The following NAV3 variants were observed in gnomAD, a reference collection of about 807,000 sequenced individuals.
The protein encoded by NAV3 is neuron navigator 3.
NAV3 carries 87 observed loss-of-function variants against 244.7 expected under a neutral mutation model. The observed-to-expected ratio is 0.36, with a 90% CI of 0.30 to 0.42. The LOEUF (loss-of-function observed/expected upper bound fraction) is 0.42. NAV3 is among the 20% of genes least tolerant of loss of function. The pLI is 1.00. For missense variants in NAV3, 2,663 were observed against 2,893.3 expected (o/e 0.92, Z 1.83); for synonymous variants, 1,126 against 1,042.2 (o/e 1.08, Z -1.55).
At chr12:77,746,946 G>A (rs1311488938) in intron 2 of NAV3, among the ~76,000 whole-genome samples, 1 of 152,116 alleles carries the variant, frequency 6.6e-6, no homozygotes, top group African/African-American at 2.4e-5. Context: ...AAATTAGAGG[G>A]ACACTTGTCA....
chr12:77,579,208 C>A (rs1485922124), intron 2 of NAV3, among the ~76,000 whole-genome samples: 1 of 152,242 alleles, frequency 6.6e-6, no homozygotes, highest in African/African-American at 2.4e-5. Context: ...ATCACCACTT[C>A]ACTGAGCAAA....
chr12:78,092,593 G>A (rs535318724), intron 12 of NAV3, among the ~76,000 whole-genome samples: 3 of 139,178 alleles, frequency 2.2e-5, no homozygotes, highest in South Asian at 4.8e-4. Flanking sequence ...TCCGCCTCCC[G>A]GGTTCACGCC....
Position 78,007,452 on chromosome 12 carries a change from T to A in NAV3, c.1907+7T>A. 1 of 1,609,902 alleles carries A rather than the reference T, an allele frequency of 6.2e-7. No individual in the cohort carries two copies. The highest frequency in any genetic ancestry group is 8.5e-7 in the Non-Finnish European group (1 of 1,177,884). On this transcript the variant is annotated splice_region_variant and intron_variant, in intron 8 of 39. Coordinates refer to ENST00000397909, the MANE Select transcript of NAV3 (RefSeq NM_001024383.2). ...TGGCACCATTCATTTACAGGTAAGG[T>A]GGCCTCTGTTTATCCACAGTTGTAA...
At chr12:77,821,164 A>G (rs1289574488) in intron 2 of NAV3, among the ~76,000 whole-genome samples, 4 of 151,990 alleles carry the variant, frequency 2.6e-5, no homozygotes, top group African/African-American at 7.3e-5. Context: ...CATGATCTGA[A>G]AAAGACAAAT....
intron 2 of NAV3, among the ~76,000 whole-genome samples, chr12:77,690,954 A>G (rs866002065): frequency 1.3e-5 from 2 of 150,886 alleles, no homozygotes; most frequent in African/African-American, 4.8e-5. Context: ...GATTAGCAAT[A>G]AATTGTGCTC....
intron 2 of NAV3, among the ~76,000 whole-genome samples, chr12:77,707,558 A>G (rs529655381): frequency 3.3e-5 from 5 of 152,250 alleles, no homozygotes; most frequent in East Asian, 1.9e-4. Context: ...ATGATTTATA[A>G]TCCTTTGGGT....
At chr12:78,192,701 T>G (rs1310350477) in intron 34 of NAV3, among the ~76,000 whole-genome samples, 1 of 152,108 alleles carries the variant, frequency 6.6e-6, no homozygotes, top group Non-Finnish European at 1.5e-5. Flanking sequence ...TGAGCCACTG[T>G]GCCCAGCCCA....
chr12:78,188,379 A>C, intron 32 of NAV3, 36 bp downstream of exon 32: 1 of 1,503,926 alleles, frequency 6.6e-7, no homozygotes, highest in African/African-American at 1.4e-5. Context: ...GTACTTTTCA[A>C]ATATGTTTCT....
chr12:78,176,750 T>C (rs1958243965), intron 26 of NAV3, among the ~76,000 whole-genome samples: 2 of 152,092 alleles, frequency 1.3e-5, no homozygotes, highest in Admixed American at 1.3e-4. Flanking sequence ...TCATTTTGCT[T>C]TTTAAGTTTG....
chr12:77,658,908 GT>G (rs1873275636), intron 2 of NAV3, among the ~76,000 whole-genome samples: 1 of 152,212 alleles, frequency 6.6e-6, no homozygotes, highest in Non-Finnish European at 1.5e-5. Flanking sequence ...CTATCCATAT[GT>G]AGAAAGCTGA....
At chr12:77,768,020 G>A (rs1445443095) in intron 2 of NAV3, among the ~76,000 whole-genome samples, 1 of 152,220 alleles carries the variant, frequency 6.6e-6, no homozygotes, top group Non-Finnish European at 1.5e-5. Context: ...GAGACCTGAA[G>A]TGGGTAGCTC....
intron 12 of NAV3, among the ~76,000 whole-genome samples, chr12:78,094,294 G>A (rs1254142091): frequency 6.6e-5 from 10 of 152,170 alleles, no homozygotes; most frequent in Non-Finnish European, 1.5e-4. Flanking sequence ...AAATCAGCTT[G>A]TCTTTTATAC....
In NAV3 at chr12:77,934,149, G is replaced by C. The variant is rs559064116; in HGVS notation, c.244-6170G>C. On this transcript the variant is annotated intron_variant, in intron 1 of 39. Coordinates refer to ENST00000397909, the MANE Select transcript of NAV3 (RefSeq NM_001024383.2). Reference sequence around the variant, plus strand: ...GGGCTGGGGAGGGTTGTTGATTGTGGTTCCTTATTATCATGGCACCAGGGG... The same window carrying C: ...GGGCTGGGGAGGGTTGTTGATTGTGCTTCCTTATTATCATGGCACCAGGGG... Among the ~76,000 whole-genome samples the C allele has an allele frequency of 3.3e-5, 5 of 152,146 alleles. No homozygotes were observed. The South Asian group carries it at 1.0e-3, about 32-fold the overall frequency.
At chr12:78,002,398 T>C (rs1431882145) in intron 7 of NAV3, among the ~76,000 whole-genome samples, 4 of 152,230 alleles carry the variant, frequency 2.6e-5, no homozygotes, top group Admixed American at 2.0e-4. Flanking sequence ...GTCTAGATTC[T>C]AATCAGGTGT....
At chr12:78,065,131 T>C (rs1179634037) in intron 12 of NAV3, among the ~76,000 whole-genome samples, 1 of 151,826 alleles carries the variant, frequency 6.6e-6, no homozygotes, top group African/African-American at 2.4e-5. Context: ...TTCCTTGAAG[T>C]TTCTCACCGA....
At chr12:77,812,301 A>T in intron 2 of NAV3, among the ~76,000 whole-genome samples, 1 of 152,236 alleles carries the variant, frequency 6.6e-6, no homozygotes, top group African/African-American at 2.4e-5. Flanking sequence ...CTTAAAAAAT[A>T]GTGTTTATTA....
intron 2 of NAV3, among the ~76,000 whole-genome samples, chr12:77,658,965 G>T (rs1873279912): frequency 6.6e-6 from 1 of 152,032 alleles, no homozygotes; most frequent in Non-Finnish European, 1.5e-5. Context: ...AATTCAAGAT[G>T]GATTAAAGAC....
At chr12:78,123,999 T>C (rs1955796767) in intron 16 of NAV3, among the ~76,000 whole-genome samples, 1 of 152,196 alleles carries the variant, frequency 6.6e-6, no homozygotes, top group Non-Finnish European at 1.5e-5. Flanking sequence ...GTATCCTAGA[T>C]TGTATGCTCA....
intron 1 of NAV3, among the ~76,000 whole-genome samples, chr12:77,862,031 T>C (rs1427540180): frequency 6.6e-6 from 1 of 151,840 alleles, no homozygotes; most frequent in Non-Finnish European, 1.5e-5. Context: ...TTTTCTACTT[T>C]CTCATTTCTG....
Sources: allele counts gnomAD v4.1 joint callset (sites outside exome capture counted in the v4.1 genomes callset), GRCh38; gene constraint gnomAD v4.1.1; transcripts MANE v1.5; gene names NCBI Gene and HGNC (gene_info 2026-07-23, HGNC 2026-07-21).